The following RUNX1 variants were observed in gnomAD, a reference collection of about 807,000 sequenced individuals.
RUNX1 encodes the protein RUNX family transcription factor 1, also known as runt-related transcription factor 1.
Under a neutral mutation model 42.8 loss-of-function variants are expected in RUNX1, and 19 were observed. The observed-to-expected ratio is 0.44, with a 90% CI of 0.31 to 0.65. The LOEUF (loss-of-function observed/expected upper bound fraction) is 0.65, where lower values mean the gene tolerates loss of function less well. Among genes scored for constraint, RUNX1 ranks in the 30% least tolerant of loss-of-function variants. The pLI, the probability that RUNX1 is intolerant of heterozygous loss-of-function variation, is 0.07. For missense variants in RUNX1, 528 were observed against 672.0 expected, an observed-to-expected ratio of 0.79 and a Z score of 2.37; for synonymous variants, 271 against 289.4, an observed-to-expected ratio of 0.94 and a Z score of 0.64.
At chr21:34,981,317 GTTA>G (rs1282872911) in intron 2 of RUNX1, among the ~76,000 whole-genome samples, 3 of 152,204 alleles carry the variant, frequency 2.0e-5, no homozygotes, top group African/African-American at 7.2e-5. Flanking sequence ...TGACAAATCT[GTTA>G]TTGTTTAGGA....
chr21:34,873,344 C>A (rs1261672042), intron 5 of RUNX1, among the ~76,000 whole-genome samples: 1 of 152,214 alleles, frequency 6.6e-6, no homozygotes, highest in Non-Finnish European at 1.5e-5. Context: ...CTCCTATTAA[C>A]TGGACAGGCA....
chr21:34,810,150 CAG>C (rs2056739749), intron 7 of RUNX1, among the ~76,000 whole-genome samples: 2 of 152,388 alleles, frequency 1.3e-5, no homozygotes, highest in African/African-American at 2.4e-5. Context: ...ACGGGTTTCT[CAG>C]TGGGCATTCT....
chr21:34,867,972 C>T (rs1347559576), intron 5 of RUNX1, among the ~76,000 whole-genome samples: 2 of 152,084 alleles, frequency 1.3e-5, no homozygotes, highest in African/African-American at 2.4e-5. Flanking sequence ...TGCCCCTAGC[C>T]GGGTGCCTCA....
chr21:35,000,442 G>C (rs149917256), intron 2 of RUNX1, among the ~76,000 whole-genome samples: 28 of 151,980 alleles, frequency 1.8e-4, no homozygotes, highest in African/African-American at 6.3e-4. Flanking sequence ...GGGTTTCACC[G>C]TGTTAGCCAG....
intron 2 of RUNX1, among the ~76,000 whole-genome samples, chr21:34,962,976 C>T (rs959939663): frequency 4.6e-5 from 7 of 152,150 alleles, no homozygotes; most frequent in African/African-American, 1.7e-4. Flanking sequence ...GAGGAAACAC[C>T]CTTGCCCAAC....
At chr21:34,877,143 G>A (rs934309608) in intron 5 of RUNX1, among the ~76,000 whole-genome samples, 1 of 152,174 alleles carries the variant, frequency 6.6e-6, no homozygotes, top group Admixed American at 6.5e-5. Flanking sequence ...ACAGGTGTGA[G>A]CCACTGTGCC....
At chr21:34,990,705 C>T (rs2058930513) in intron 2 of RUNX1, among the ~76,000 whole-genome samples, 1 of 151,764 alleles carries the variant, frequency 6.6e-6, no homozygotes. Context: ...GATTCTCCTG[C>T]CTCAGCCTCC....
chr21:35,032,494 G>T (rs976614093), intron 2 of RUNX1, among the ~76,000 whole-genome samples: 1 of 152,202 alleles, frequency 6.6e-6, no homozygotes, highest in Admixed American at 6.5e-5. Context: ...AACCCAATGG[G>T]AAACGGACCA....
intron 5 of RUNX1, among the ~76,000 whole-genome samples, chr21:34,860,992 T>G (rs1478665850): frequency 1.3e-5 from 2 of 152,164 alleles, no homozygotes; most frequent in African/African-American, 4.8e-5. Flanking sequence ...CATTGTGCCT[T>G]TATAACTAAA....
chr21:34,996,481 T>A, intron 2 of RUNX1, among the ~76,000 whole-genome samples: 2 of 152,202 alleles, frequency 1.3e-5, no homozygotes, highest in Middle Eastern at 6.8e-3. Flanking sequence ...CTTTTGTGTC[T>A]CTTTCTCAAA....
At chr21:34,806,741 G>C (rs2056685709) in intron 7 of RUNX1, among the ~76,000 whole-genome samples, 1 of 152,076 alleles carries the variant, frequency 6.6e-6, no homozygotes, top group African/African-American at 2.4e-5. Context: ...CACACTTTAA[G>C]ATCCTTAAAA....
intron 2 of RUNX1, among the ~76,000 whole-genome samples, chr21:35,046,105 C>T (rs115366448): frequency 6.4e-4 from 98 of 152,332 alleles, no homozygotes; most frequent in African/African-American, 2.1e-3. Context: ...AAGAATTGTA[C>T]GTTGCACACC....
At chr21:34,933,136 A>G (rs1223187687) in intron 2 of RUNX1, among the ~76,000 whole-genome samples, 1 of 152,196 alleles carries the variant, frequency 6.6e-6, no homozygotes, top group African/African-American at 2.4e-5. Flanking sequence ...TTGCAAAGCT[A>G]TACACACAGG....
chr21:34,924,445 G>C (rs2058377878), intron 2 of RUNX1, among the ~76,000 whole-genome samples: 1 of 152,212 alleles, frequency 6.6e-6, no homozygotes, highest in Non-Finnish European at 1.5e-5. Context: ...TATCAGGGTA[G>C]AGTTTGTTAA....
intron 2 of RUNX1, among the ~76,000 whole-genome samples, chr21:34,962,031 T>C (rs1467276548): frequency 2.0e-5 from 3 of 152,110 alleles, no homozygotes; most frequent in African/African-American, 7.2e-5. Flanking sequence ...TAGCTGGGAC[T>C]ACAGGTGCAT....
At chr21:34,847,191 A>G (rs540736604) in intron 6 of RUNX1, among the ~76,000 whole-genome samples, 2 of 152,366 alleles carry the variant, frequency 1.3e-5, no homozygotes, top group Admixed American at 1.3e-4. Context: ...GTATATTCAT[A>G]TAAAACTCAG....
intron 2 of RUNX1, among the ~76,000 whole-genome samples, chr21:34,962,436 T>C (rs143148137): frequency 6.6e-6 from 1 of 152,344 alleles, no homozygotes; most frequent in African/African-American, 2.4e-5. Flanking sequence ...AACTCTTCCC[T>C]TTTGCTAGCA....
intron 2 of RUNX1, among the ~76,000 whole-genome samples, chr21:35,031,146 C>T (rs767632176): frequency 2.6e-5 from 4 of 152,094 alleles, no homozygotes; most frequent in East Asian, 3.9e-4. Flanking sequence ...GTCAGGAGTT[C>T]GAGACCAGCC....
intron 2 of RUNX1, among the ~76,000 whole-genome samples, chr21:34,955,245 A>T (rs1042962387): frequency 1.5e-4 from 22 of 150,914 alleles, no homozygotes; most frequent in Non-Finnish European, 1.5e-4. Context: ...TTTTTTTTTT[A>T]AAGTTATCCA....
Sources: allele counts gnomAD v4.1 joint callset (sites outside exome capture counted in the v4.1 genomes callset), GRCh38; gene constraint gnomAD v4.1.1; transcripts MANE v1.5; gene names NCBI Gene and HGNC (gene_info 2026-07-23, HGNC 2026-07-21).